The following UNC13C variants were observed in gnomAD, a reference collection of about 807,000 sequenced individuals.
The protein encoded by UNC13C is unc-13 homolog C, also known as protein unc-13 homolog C.
In UNC13C, 174 loss-of-function variants were observed where a neutral mutation model predicts 245.4. The ratio of observed to expected loss-of-function variants is 0.71; its 90% CI spans 0.63 to 0.80. UNC13C has a LOEUF of 0.80. Among genes scored for constraint, UNC13C ranks in the 30% least tolerant of loss-of-function variants. UNC13C has a pLI of 0.00. For missense variants in UNC13C, 2,829 were observed against 2,602.9 expected, an observed-to-expected ratio of 1.09 and a Z score of -1.89; for synonymous variants, 992 against 895.1, an observed-to-expected ratio of 1.11 and a Z score of -1.93.
intron 31 of UNC13C, among the ~76,000 whole-genome samples, chr15:54,623,512 T>A (rs1320463381): frequency 6.6e-6 from 1 of 152,182 alleles, no homozygotes; most frequent in Admixed American, 6.6e-5. Flanking sequence ...AACAACACCA[T>A]GTTTTTACCA....
At chr15:54,531,406 G>A (rs898967814) in intron 25 of UNC13C, among the ~76,000 whole-genome samples, 6 of 152,146 alleles carry the variant, frequency 3.9e-5, no homozygotes, top group African/African-American at 1.4e-4. Context: ...ATAATTTTTA[G>A]TATAATTGTG....
At chr15:54,130,417 C>T (rs905986165) in intron 2 of UNC13C, among the ~76,000 whole-genome samples, 2 of 151,160 alleles carry the variant, frequency 1.3e-5, no homozygotes, top group African/African-American at 2.4e-5. Flanking sequence ...CTCAGCCTCC[C>T]GAGTAGCTGG....
At chr15:53,880,243 C>T in the UNC13C span, among the ~76,000 whole-genome samples, 1 of 152,044 alleles carries the variant, frequency 6.6e-6, no homozygotes, top group Non-Finnish European at 1.5e-5. Flanking sequence ...TCTTGAAGCA[C>T]GGTAGTTTTA....
intron 19 of UNC13C, among the ~76,000 whole-genome samples, chr15:54,441,912 A>G (rs72736509): frequency 0.14 from 21,673 of 151,388 alleles, 1,581 homozygotes; most frequent in Non-Finnish European, 0.17. Context: ...TCTTTGTTTA[A>G]TTTATTCTTA....
At chr15:53,973,208 A>AT (rs1437628220), upstream of UNC13C, among the ~76,000 whole-genome samples, 1 of 152,082 alleles carries the variant, frequency 6.6e-6, no homozygotes, top group Non-Finnish European at 1.5e-5. Context: ...ATTTTAAAAC[A>AT]TTTACTCCTC....
chr15:53,888,831 G>A, the UNC13C span, among the ~76,000 whole-genome samples: 1 of 152,076 alleles, frequency 6.6e-6, no homozygotes, highest in East Asian at 1.9e-4. Flanking sequence ...GCTTATTTGT[G>A]TCAGGTTTGT....
intron 16 of UNC13C, among the ~76,000 whole-genome samples, chr15:54,335,487 A>T (rs1226746273): frequency 1.3e-5 from 2 of 152,126 alleles, no homozygotes; most frequent in African/African-American, 4.8e-5. Context: ...TCATATAACC[A>T]CCAGAGCAAT....
intron 4 of UNC13C, among the ~76,000 whole-genome samples, chr15:54,144,298 G>C (rs948509594): frequency 6.7e-6 from 1 of 149,754 alleles, no homozygotes; most frequent in Non-Finnish European, 1.5e-5. Flanking sequence ...ATACGTATCT[G>C]TGTTCATATA....
chr15:54,523,028 C>T (rs561043496), intron 24 of UNC13C, among the ~76,000 whole-genome samples: 63 of 152,216 alleles, frequency 4.1e-4, no homozygotes, highest in African/African-American at 1.4e-3. Flanking sequence ...ATTAGATTGC[C>T]TTTTACCTTT....
intron 2 of UNC13C, among the ~76,000 whole-genome samples, chr15:54,052,687 C>T (rs1161253200): frequency 2.0e-5 from 3 of 152,172 alleles, no homozygotes; most frequent in African/African-American, 7.2e-5. Context: ...ATATTCAACT[C>T]TTTATGTGCT....
intron 8 of UNC13C, 171 bp from the exon 9 acceptor site, chr15:54,263,997 G>A: frequency 1.6e-6 from 1 of 625,462 alleles, no homozygotes; most frequent in Admixed American, 2.9e-5. Flanking sequence ...AGTACTAGTT[G>A]TTGTGAATCT....
chr15:54,102,501 C>T (rs575045045), intron 2 of UNC13C, among the ~76,000 whole-genome samples: 3 of 152,282 alleles, frequency 2.0e-5, no homozygotes, highest in Admixed American at 6.5e-5. Context: ...TTTCCCTAAA[C>T]TCTTAAGGCA....
chr15:54,612,869 A>T (rs987266592), intron 30 of UNC13C, among the ~76,000 whole-genome samples: 1 of 151,928 alleles, frequency 6.6e-6, no homozygotes, highest in Non-Finnish European at 1.5e-5. Flanking sequence ...TCTTGTTACT[A>T]TAAGTTTTAA....
chr15:54,154,822 T>C (rs1375467170), intron 4 of UNC13C, among the ~76,000 whole-genome samples: 3 of 152,204 alleles, frequency 2.0e-5, no homozygotes, highest in African/African-American at 7.2e-5. Flanking sequence ...TATATTGTCC[T>C]GAGCTTCTCA....
chr15:54,588,584 A>G (rs1898607998), intron 30 of UNC13C, among the ~76,000 whole-genome samples: 1 of 151,956 alleles, frequency 6.6e-6, no homozygotes, highest in South Asian at 2.1e-4. Context: ...GTGAGTGTAT[A>G]CTCACCCAAG....
intron 24 of UNC13C, among the ~76,000 whole-genome samples, chr15:54,513,866 T>G (rs1165699728): frequency 6.6e-6 from 1 of 152,186 alleles, no homozygotes; most frequent in Non-Finnish European, 1.5e-5. Context: ...TTCTCCTGTT[T>G]TCTTTTTCTC....
chr15:54,069,640 A>G (rs975759898), intron 2 of UNC13C, among the ~76,000 whole-genome samples: 1 of 152,166 alleles, frequency 6.6e-6, no homozygotes, highest in Non-Finnish European at 1.5e-5. Flanking sequence ...ATGTACTTGG[A>G]GAGGTACTTC....
chr15:54,000,956 CA>C (rs1208843033), intron 1 of UNC13C, among the ~76,000 whole-genome samples: 1 of 152,012 alleles, frequency 6.6e-6, no homozygotes, highest in Admixed American at 6.6e-5. Flanking sequence ...TAGAGAAATA[CA>C]AAAAAATTTT....
intron 22 of UNC13C, among the ~76,000 whole-genome samples, chr15:54,505,883 C>T (rs923855016): frequency 6.6e-6 from 1 of 151,612 alleles, no homozygotes; most frequent in African/African-American, 2.4e-5. Context: ...CGTGTGAGAT[C>T]CCAGGATTCC....
Sources: allele counts gnomAD v4.1 joint callset (sites outside exome capture counted in the v4.1 genomes callset), GRCh38; gene constraint gnomAD v4.1.1; transcripts MANE v1.5; gene names NCBI Gene and HGNC (gene_info 2026-07-23, HGNC 2026-07-21).